The following TMEM163 variants were observed in gnomAD, a reference collection of about 807,000 sequenced individuals.
The protein encoded by TMEM163 is transmembrane protein 163.
A neutral mutation model predicts 29.3 loss-of-function variants in TMEM163; 17 were observed. The observed-to-expected ratio is 0.58, with a 90% CI of 0.40 to 0.87. The LOEUF (loss-of-function observed/expected upper bound fraction) is 0.87. TMEM163 is among the 40% of genes least tolerant of loss of function. The probability of loss-of-function intolerance (pLI) is 0.00; values close to 1 mark genes in which losing one functional copy is unlikely to be tolerated. For synonymous variants in TMEM163, 157 were observed against 160.6 expected (o/e 0.98, Z 0.17); for missense variants, 303 against 381.5 (o/e 0.79, Z 1.71).
chr2:134,702,502 G>T (rs150740161), intron 2 of TMEM163, among the ~76,000 whole-genome samples: 1 of 152,042 alleles, frequency 6.6e-6, no homozygotes, highest in Non-Finnish European at 1.5e-5. Flanking sequence ...AAAATTAGCC[G>T]GGCATGGTGG....
At chr2:134,631,576 C>CAG (rs1248109933) in intron 2 of TMEM163, among the ~76,000 whole-genome samples, 1 of 152,166 alleles carries the variant, frequency 6.6e-6, no homozygotes, top group Non-Finnish European at 1.5e-5. Flanking sequence ...CCAGAAAGGC[C>CAG]AAGGGTCAAA....
chr2:134,633,547 T>C (rs1000361527), intron 2 of TMEM163, among the ~76,000 whole-genome samples: 10 of 152,114 alleles, frequency 6.6e-5, no homozygotes, highest in Admixed American at 2.6e-4. Context: ...AAAGATCAGG[T>C]CCACAATTTA....
At chr2:134,621,447 C>G (rs1682731010) in intron 2 of TMEM163, among the ~76,000 whole-genome samples, 1 of 152,084 alleles carries the variant, frequency 6.6e-6, no homozygotes, top group African/African-American at 2.4e-5. Flanking sequence ...TAAGACTTAC[C>G]CTTTAACCCA....
intron 5 of TMEM163, among the ~76,000 whole-genome samples, chr2:134,474,458 T>G (rs1351428214): frequency 6.6e-6 from 1 of 152,068 alleles, no homozygotes; most frequent in Non-Finnish European, 1.5e-5. Flanking sequence ...AAAATGAATG[T>G]TACTCCTAAG....
At chr2:134,459,835 C>A (rs1241825241) in intron 6 of TMEM163, among the ~76,000 whole-genome samples, 2 of 152,006 alleles carry the variant, frequency 1.3e-5, no homozygotes, top group Non-Finnish European at 2.9e-5. Flanking sequence ...AGCTGGCCCT[C>A]TGCCAATCCA....
At chr2:134,553,808 G>A (rs1237598352) in intron 2 of TMEM163, among the ~76,000 whole-genome samples, 1 of 152,126 alleles carries the variant, frequency 6.6e-6, no homozygotes, top group Non-Finnish European at 1.5e-5. Context: ...AAGGGGCACT[G>A]GCCCTTCCTG....
At chr2:134,698,312 C>T (rs1158482359) in intron 2 of TMEM163, among the ~76,000 whole-genome samples, 3 of 152,226 alleles carry the variant, frequency 2.0e-5, no homozygotes, top group African/African-American at 7.2e-5. Context: ...CCATTCATGG[C>T]AAGTTATTCT....
At chr2:134,563,471 A>G (rs1558946567) in intron 2 of TMEM163, among the ~76,000 whole-genome samples, 2 of 152,252 alleles carry the variant, frequency 1.3e-5, no homozygotes, top group African/African-American at 4.8e-5. Context: ...AGTTATTTCT[A>G]TATTAGCCAC....
intron 2 of TMEM163, among the ~76,000 whole-genome samples, chr2:134,664,581 C>T (rs1286177366): frequency 1.3e-5 from 2 of 152,002 alleles, no homozygotes; most frequent in South Asian, 4.1e-4. Flanking sequence ...CTGCTAAACC[C>T]GAAGTATAAT....
intron 2 of TMEM163, among the ~76,000 whole-genome samples, chr2:134,595,579 T>C (rs1682059587): frequency 6.6e-6 from 1 of 152,252 alleles, no homozygotes; most frequent in African/African-American, 2.4e-5. Flanking sequence ...TAAACATATG[T>C]GTGCGTGTGT....
chr2:134,519,580 G>C (rs986853981), intron 4 of TMEM163, among the ~76,000 whole-genome samples: 1 of 151,910 alleles, frequency 6.6e-6, no homozygotes, highest in African/African-American at 2.4e-5. Context: ...GGCGTGGTGG[G>C]GGGTGCCTGT....
At chr2:134,508,224 A>T (rs1395339605) in intron 4 of TMEM163, among the ~76,000 whole-genome samples, 1 of 152,214 alleles carries the variant, frequency 6.6e-6, no homozygotes, top group African/African-American at 2.4e-5. Flanking sequence ...GAGCCAAACA[A>T]GAGAAGCTTC....
chr2:134,553,251 A>AC (rs1384248048), intron 2 of TMEM163, among the ~76,000 whole-genome samples: 2 of 152,136 alleles, frequency 1.3e-5, no homozygotes, highest in Non-Finnish European at 2.9e-5. Flanking sequence ...GCCTACATGG[A>AC]CTTCCATCAG....
Position 134,562,188 on chromosome 2 carries a change from A to G in TMEM163, c.323-10097T>C, listed in dbSNP as rs150539400. Among the ~76,000 whole-genome samples, 612 of 152,276 alleles carry G rather than the reference A, an allele frequency of 4.0e-3. 9 individuals carry two copies. Among genetic ancestry groups the G allele is most frequent in the African/African-American group, 0.014 (583 of 41,554 alleles). ...TTGGGCCCCAAAGCTCCCTGCCCCT[A>G]GCTGCCTTTCTTTTATAAAACACAG... On this transcript the variant is annotated intron_variant, in intron 2 of 7. Transcript: ENST00000281924.
intron 2 of TMEM163, among the ~76,000 whole-genome samples, chr2:134,657,021 T>C (rs1345592668): frequency 1.3e-5 from 2 of 152,232 alleles, no homozygotes; most frequent in Non-Finnish European, 2.9e-5. Flanking sequence ...GATTTTTGCA[T>C]CTATGTTAAT....
intron 2 of TMEM163, among the ~76,000 whole-genome samples, chr2:134,678,373 C>G (rs1022849298): frequency 6.6e-6 from 1 of 152,216 alleles, no homozygotes; most frequent in Non-Finnish European, 1.5e-5. Flanking sequence ...CGTGGAAACA[C>G]GTGAATCTGT....
chr2:134,648,739 T>A (rs1372978109), intron 2 of TMEM163, among the ~76,000 whole-genome samples: 1 of 152,200 alleles, frequency 6.6e-6, no homozygotes, highest in Non-Finnish European at 1.5e-5. Flanking sequence ...CTTCTAATTA[T>A]AATAGGCTTT....
Position 134,508,736 on chromosome 2 carries a change from C to G in TMEM163, c.459-5739G>C, listed in dbSNP as rs538855988. Among the ~76,000 whole-genome samples the G allele has an allele frequency of 3.3e-5, 5 of 152,186 alleles. No individual in the cohort carries two copies. The South Asian group carries it at 1.0e-3, about 32-fold the overall frequency. ...TTCATGTTTGTACTCATCATCACCT[C>G]ATTTCTTCCCTCAACTCTCCTGAAC... On this transcript the variant is annotated intron_variant, in intron 4 of 7. Coordinates refer to ENST00000281924, the MANE Select transcript of TMEM163 (RefSeq NM_030923.5).
chr2:134,718,366 G>T (rs1685083065), intron 1 of TMEM163, among the ~76,000 whole-genome samples: 1 of 152,232 alleles, frequency 6.6e-6, no homozygotes. Flanking sequence ...GGGTCCCTCC[G>T]AGCTGAGTAG....
Sources: gnomAD v4.1 joint callset for allele counts (sites outside exome capture counted in the v4.1 genomes callset) on GRCh38, gnomAD v4.1.1 for gene constraint, MANE v1.5 for transcripts, NCBI Gene and HGNC (gene_info 2026-07-23, HGNC 2026-07-21) for gene names.